TEC: variants seen among roughly 807,000 people sequenced by gnomAD.
TEC encodes tyrosine-protein kinase Tec.
In TEC, 72 loss-of-function variants were observed where a neutral mutation model predicts 93.0. That is an observed-to-expected ratio of 0.77 (90% CI 0.64 to 0.94). TEC has a LOEUF of 0.94. TEC is among the 40% of genes least tolerant of loss of function. TEC has a pLI of 0.00. For synonymous variants in TEC, 249 were observed against 247.7 expected (o/e 1.01, Z -0.05); for missense variants, 630 against 757.9 (o/e 0.83, Z 1.98).
intron 2 of TEC, among the ~76,000 whole-genome samples, chr4:48,186,698 G>A (rs1560398388): frequency 6.6e-6 from 1 of 150,770 alleles, no homozygotes; most frequent in South Asian, 2.1e-4. Context: ...CCTCCGCCCG[G>A]CAGCCGCCCC....
Position 48,149,639 on chromosome 4 carries a change from A to C in TEC, c.924T>G (p.Ser308=). The change falls in exon 11 of 18, where the codon TCT becomes TCG. Residue 308 remains serine (S), a synonymous_variant. Coordinates refer to ENST00000381501, the MANE Select transcript of TEC (RefSeq NM_003215.3). The part of the protein sequence containing the change: ...RHYHIKETTT[S]PKKYYLAEKH... ...TTTCAGCTAGGTAATACTTCTTTGG[A>C]GATGTTGTTGTTTCCTTTATATGAT... 6.2e-7 allele frequency: 1 copy of C among 1,612,504 alleles called. No homozygotes were observed. The highest frequency in any genetic ancestry group is 1.3e-5 in the African/African-American group (1 of 74,932).
chr4:48,178,036 G>A (rs1721404362), intron 2 of TEC, among the ~76,000 whole-genome samples: 1 of 152,070 alleles, frequency 6.6e-6, no homozygotes, highest in Admixed American at 6.6e-5. Context: ...GTGTGAGAAT[G>A]GACTAATACA....
chr4:48,183,027 C>T (rs114477794), intron 2 of TEC, among the ~76,000 whole-genome samples: 2,151 of 152,226 alleles, frequency 0.014, 25 homozygotes, highest in South Asian at 0.057. Context: ...AATTTTATTC[C>T]TGATGTGGCT....
intron 1 of TEC, among the ~76,000 whole-genome samples, chr4:48,233,464 T>C (rs1217084631): frequency 1.3e-5 from 2 of 150,836 alleles, no homozygotes; most frequent in South Asian, 2.1e-4. Flanking sequence ...CAGGTGCACA[T>C]GACCACGCCC....
In TEC at chr4:48,186,440, T is replaced by C. The variant is rs1471985085; in HGVS notation, c.139-10254A>G. On this transcript the variant is annotated intron_variant, in intron 2 of 17. Coordinates refer to ENST00000381501, the MANE Select transcript of TEC (RefSeq NM_003215.3). ...TGTCTCTGCCTGGCCGCCCATCGTC[T>C]GAGATGTGGGGAGCGCCTCTGCCCC... Among the ~76,000 whole-genome samples the C allele has an allele frequency of 4.8e-5, 7 of 145,948 alleles. No homozygotes were observed. The East Asian group carries it at 1.4e-3, about 30-fold the overall frequency.
chr4:48,252,097 C>T (rs748238008), intron 1 of TEC, among the ~76,000 whole-genome samples: 19 of 152,170 alleles, frequency 1.2e-4, no homozygotes, highest in Non-Finnish European at 1.6e-4. Context: ...AAAATGGAAG[C>T]TTTGCTCTGC....
intron 2 of TEC, among the ~76,000 whole-genome samples, chr4:48,200,577 C>T (rs1722472969): frequency 6.6e-6 from 1 of 152,140 alleles, no homozygotes; most frequent in African/African-American, 2.4e-5. Context: ...TAATGGAACC[C>T]TGATTTTTAG....
rs757765310 is a variant in TEC, at chr4:48,167,942, G to C, written c.507C>G (p.Pro169=). The change falls in exon 7 of 18, where the codon CCC becomes CCG. Residue 169 remains proline, a synonymous_variant. Coordinates refer to ENST00000381501, the MANE Select transcript of TEC (RefSeq NM_003215.3). ...PAPETKKRRP[P]PPIPLEEEDN... ...CTTCTTCTTCTAGTGGAATTGGTGG[G>C]GGAGGCCTTCGCTAGACAAGGAAGA... 1 of 1,613,552 alleles carries C rather than the reference G, an allele frequency of 6.2e-7. No individual in the cohort carries two copies. The highest frequency in any genetic ancestry group is 1.3e-5 in the African/African-American group (1 of 74,832).
intron 2 of TEC, among the ~76,000 whole-genome samples, chr4:48,191,781 A>T (rs1722101211): frequency 6.6e-6 from 1 of 152,136 alleles, no homozygotes; most frequent in African/African-American, 2.4e-5. Context: ...TTCTACAAAA[A>T]AAATTTAAAA....
chr4:48,149,421 A>G, intron 11 of TEC, 136 bp downstream of exon 11: 1 of 849,380 alleles, frequency 1.2e-6, no homozygotes, highest in Non-Finnish European at 1.7e-6. Context: ...CATTCCTTTA[A>G]TATGCAGTAA....
intron 2 of TEC, among the ~76,000 whole-genome samples, chr4:48,186,185 G>A (rs991520939): frequency 1.5e-4 from 23 of 152,214 alleles, no homozygotes; most frequent in African/African-American, 5.1e-4. Context: ...CTGGAGTGCA[G>A]TGGCGTGATC....
At chr4:48,162,270 C>T (rs1485873546) in intron 8 of TEC, among the ~76,000 whole-genome samples, 7 of 152,286 alleles carry the variant, frequency 4.6e-5, no homozygotes, top group African/African-American at 7.2e-5. Flanking sequence ...GGCACTCCCA[C>T]GCTGGAGGCT....
intron 11 of TEC, among the ~76,000 whole-genome samples, chr4:48,147,316 C>T (rs1276804768): frequency 6.6e-6 from 1 of 152,128 alleles, no homozygotes. Context: ...AAAACTAGTA[C>T]ACAACTGTTT....
chr4:48,251,674 G>C (rs1439639647), intron 1 of TEC, among the ~76,000 whole-genome samples: 7 of 152,128 alleles, frequency 4.6e-5, no homozygotes, highest in Non-Finnish European at 4.4e-5. Context: ...TATTTACTTA[G>C]GATTGAGGGA....
intron 7 of TEC, among the ~76,000 whole-genome samples, chr4:48,167,324 TG>T (rs1720908382): frequency 3.3e-5 from 5 of 151,902 alleles, no homozygotes; most frequent in Admixed American, 3.3e-4. Flanking sequence ...CATATATTCA[TG>T]GAGAGAGAGA....
chr4:48,141,896 C>T (rs1419459873), intron 14 of TEC, among the ~76,000 whole-genome samples: 2 of 152,018 alleles, frequency 1.3e-5, no homozygotes, highest in East Asian at 3.9e-4. Flanking sequence ...TGACCTCATC[C>T]ATCTGCCTCG....
At chr4:48,141,293 C>T (rs1037882101) in intron 15 of TEC, 62 bp downstream of exon 15, 21 of 1,421,246 alleles carry the variant, frequency 1.5e-5, no homozygotes, top group Non-Finnish European at 2.0e-5. Flanking sequence ...ATTATTCCCA[C>T]ACTTATTAAT....
At chr4:48,216,767 G>C (rs73246004) in intron 2 of TEC, among the ~76,000 whole-genome samples, 2 of 151,948 alleles carry the variant, frequency 1.3e-5, no homozygotes, top group African/African-American at 4.8e-5. Flanking sequence ...AATTGCTGAC[G>C]GACAAGTTTT....
Position 48,163,767 on chromosome 4 carries a change from C to A in TEC, c.672G>T (p.Gly224=). 1 of 1,467,554 alleles carries A rather than the reference C, an allele frequency of 6.8e-7. No individual in the cohort carries two copies. The highest frequency in any genetic ancestry group is 1.3e-5 in the South Asian group (1 of 75,432). 90.9% of individuals were successfully genotyped at this position (1,467,554 alleles called of 1,614,324 possible). The part of the protein sequence containing the change: ...VHWWRARDKY[G]NEGYIPSNYV... ...AATTACTTGGGATATATCCTTCATT[C>A]CTAGAAATAAGAAAAATACTTTAGG... The change falls in exon 8 of 18, where the codon GGG becomes GGT. Residue 224 remains glycine (G), a splice_region_variant and synonymous_variant. Coordinates refer to ENST00000381501, the MANE Select transcript of TEC (RefSeq NM_003215.3).
Sources: allele counts gnomAD v4.1 joint callset (sites outside exome capture counted in the v4.1 genomes callset), GRCh38; gene constraint gnomAD v4.1.1; transcripts MANE v1.5; gene names NCBI Gene and HGNC (gene_info 2026-07-23, HGNC 2026-07-21).